Variants in BCAS1 observed in about 807,000 individuals in gnomAD.
BCAS1 encodes the protein breast carcinoma-amplified sequence 1.
Under a neutral mutation model 65.4 loss-of-function variants are expected in BCAS1, and 46 were observed. The ratio of observed to expected loss-of-function variants is 0.70; its 90% CI spans 0.55 to 0.90. The LOEUF is 0.90. Ranked by LOEUF, BCAS1 falls within the 40% of genes least tolerant of loss-of-function variation. The probability of loss-of-function intolerance (pLI) is 0.00; values close to 1 mark genes in which losing one functional copy is unlikely to be tolerated. For missense variants in BCAS1, 793 were observed against 771.2 expected, an observed-to-expected ratio of 1.03 and a Z score of -0.33; for synonymous variants, 298 against 293.5, an observed-to-expected ratio of 1.02 and a Z score of -0.16.
In BCAS1 at chr20:53,947,464, G is replaced by A. The variant is rs116538831; in HGVS notation, c.1816-2468C>T. Among the ~76,000 whole-genome samples the A allele has an allele frequency of 1.4e-3, 214 of 152,230 alleles. 1 individual carries two copies. The highest frequency in any genetic ancestry group is 5.0e-3 in the African/African-American group (206 of 41,538). On this transcript the variant is annotated intron_variant, in intron 12 of 12. Coordinates refer to ENST00000688948, the MANE Select transcript of BCAS1 (RefSeq NM_001366298.2). ...GGGCTCAGGAGTCAGCTGTGGGTTT[G>A]GGGATGCTCCATCCCTTTCTGGTTG...
At chr20:54,038,599 ATGT>A (rs1390828933) in intron 3 of BCAS1, among the ~76,000 whole-genome samples, 1 of 151,410 alleles carries the variant, frequency 6.6e-6, no homozygotes, top group Non-Finnish European at 1.5e-5. Context: ...GAAGAGACTA[ATGT>A]TGTGCTGGAT....
At chr20:54,059,572 C>T (rs771237892) in intron 1 of BCAS1, among the ~76,000 whole-genome samples, 15 of 151,548 alleles carry the variant, frequency 9.9e-5, no homozygotes, top group Non-Finnish European at 2.1e-4. Flanking sequence ...TGATTTAGCA[C>T]ATATGGTCAT....
intron 8 of BCAS1, among the ~76,000 whole-genome samples, chr20:53,982,639 G>A (rs1390658690): frequency 6.6e-6 from 1 of 152,096 alleles, no homozygotes; most frequent in African/African-American, 2.4e-5. Flanking sequence ...ATTTCCCTTT[G>A]CATTTTTCAA....
intron 3 of BCAS1, among the ~76,000 whole-genome samples, chr20:54,042,491 G>A (rs747112602): frequency 3.9e-5 from 6 of 152,296 alleles, no homozygotes; most frequent in Middle Eastern, 3.4e-3. Flanking sequence ...AAAAAGCTGT[G>A]CCCAACAGCA....
At chr20:54,037,934 G>C (rs958129508) in intron 3 of BCAS1, among the ~76,000 whole-genome samples, 2 of 151,330 alleles carry the variant, frequency 1.3e-5, no homozygotes, top group Non-Finnish European at 3.0e-5. Context: ...AAAAAACCCT[G>C]TTTTCTCACA....
At chr20:54,004,137 G>A (rs964707141) in intron 4 of BCAS1, among the ~76,000 whole-genome samples, 2 of 152,148 alleles carry the variant, frequency 1.3e-5, no homozygotes, top group Non-Finnish European at 2.9e-5. Flanking sequence ...TGGGGCCTTG[G>A]GGAGATGACT....
chr20:54,021,148 A>G (rs1187924999), intron 4 of BCAS1, among the ~76,000 whole-genome samples: 2 of 152,164 alleles, frequency 1.3e-5, no homozygotes, highest in Admixed American at 6.5e-5. Flanking sequence ...GCTGGCTGAT[A>G]GCTATTTGCA....
intron 9 of BCAS1, among the ~76,000 whole-genome samples, chr20:53,969,492 T>C (rs2090124884): frequency 6.6e-6 from 1 of 152,146 alleles, no homozygotes; most frequent in African/African-American, 2.4e-5. Flanking sequence ...ATTCTATAGA[T>C]AAAGAGTGAA....
chr20:53,994,899 ACACACAC>A (rs2090862687), intron 6 of BCAS1, 106 bp downstream of exon 6: 8 of 777,604 alleles, frequency 1.0e-5, no homozygotes, highest in Non-Finnish European at 1.7e-5. Flanking sequence ...ACACACACAC[ACACACAC>A]ACACACACAC....
chr20:53,960,794 T>C (rs192289137), intron 10 of BCAS1, among the ~76,000 whole-genome samples: 12 of 152,330 alleles, frequency 7.9e-5, no homozygotes, highest in Non-Finnish European at 7.3e-5. Flanking sequence ...ATAATTCATG[T>C]TGAACTCTGT....
chr20:54,049,406 ATAAATTTGC>A, intron 3 of BCAS1, among the ~76,000 whole-genome samples: 1 of 152,214 alleles, frequency 6.6e-6, no homozygotes, highest in Non-Finnish European at 1.5e-5. Flanking sequence ...AACTAATGTC[ATAAATTTGC>A]TAGAAAGGAA....
At chr20:53,949,203 C>T (rs1344618180) in intron 12 of BCAS1, among the ~76,000 whole-genome samples, 5 of 87,472 alleles carry the variant, frequency 5.7e-5, no homozygotes, top group Non-Finnish European at 1.5e-4. Flanking sequence ...TGCATATATC[C>T]GCACACACAC....
rs151069673 is a variant in BCAS1, at chr20:54,040,614, A to G, written c.143-11642T>C. 1.3e-5 allele frequency among the ~76,000 whole-genome samples: 2 copies of G among 151,452 alleles called. 1 individual carries two copies. Among genetic ancestry groups the G allele is most frequent in the Non-Finnish European group, 3.0e-5 (2 of 67,636 alleles). On this transcript the variant is annotated intron_variant, in intron 3 of 12. Coordinates refer to ENST00000688948, the MANE Select transcript of BCAS1 (RefSeq NM_001366298.2). The stretch of plus-strand genomic sequence containing the variant: ...AAAAGATGCCTAATGTCATCTCATT[A>G]GGGAAGTGCAGTCAAAGCCACAGCA...
chr20:53,962,524 G>A (rs974276854), intron 10 of BCAS1, among the ~76,000 whole-genome samples: 2 of 152,180 alleles, frequency 1.3e-5, no homozygotes, highest in South Asian at 4.1e-4. Context: ...ACTGTATCTA[G>A]ATCTACCACC....
At chr20:53,977,212 G>A (rs1394773165) in intron 8 of BCAS1, among the ~76,000 whole-genome samples, 1 of 152,164 alleles carries the variant, frequency 6.6e-6, no homozygotes, top group Non-Finnish European at 1.5e-5. Flanking sequence ...CTCCTATCAG[G>A]TCCCTCCTTT....
chr20:53,967,086 G>T lies in BCAS1; in HGVS notation c.1318-13C>A. ...ACTCACACACCACCTGGATTATTTT[G>T]CCAGGTAATAAGAAAATGAAAAACA... On this transcript the variant is annotated splice_polypyrimidine_tract_variant and intron_variant, in intron 9 of 12. Coordinates refer to ENST00000688948, the MANE Select transcript of BCAS1 (RefSeq NM_001366298.2). 1 of 1,596,360 alleles carries T rather than the reference G, an allele frequency of 6.3e-7. No individual in the cohort carries two copies. Among genetic ancestry groups the T allele is most frequent in the South Asian group, 1.2e-5 (1 of 86,188 alleles).
At chr20:53,951,958 A>C (rs1197211462) in intron 12 of BCAS1, among the ~76,000 whole-genome samples, 1 of 152,224 alleles carries the variant, frequency 6.6e-6, no homozygotes, top group Non-Finnish European at 1.5e-5. Context: ...ATATTTTTGG[A>C]AGAAAAATGA....
intron 7 of BCAS1, among the ~76,000 whole-genome samples, chr20:53,990,081 G>A (rs1226694069): frequency 2.0e-5 from 3 of 152,146 alleles, no homozygotes; most frequent in African/African-American, 4.8e-5. Context: ...TTGGGTGTGG[G>A]AGAGAGGAGA....
At chr20:53,954,628 G>C (rs575792589) in intron 11 of BCAS1, among the ~76,000 whole-genome samples, 3 of 152,304 alleles carry the variant, frequency 2.0e-5, no homozygotes, top group African/African-American at 7.2e-5. Flanking sequence ...CCAATAATTT[G>C]ATGAGATGAG....
Sources: allele counts gnomAD v4.1 joint callset (sites outside exome capture counted in the v4.1 genomes callset), GRCh38; gene constraint gnomAD v4.1.1; transcripts MANE v1.5; gene names NCBI Gene and HGNC (gene_info 2026-07-23, HGNC 2026-07-21).